The following PMS1 variants were observed in gnomAD, a reference collection of about 807,000 sequenced individuals.
PMS1 encodes the protein PMS1 protein homolog 1.
A neutral mutation model predicts 93.1 loss-of-function variants in PMS1; 79 were observed. That is an observed-to-expected ratio of 0.85 (90% CI 0.71 to 1.02). PMS1 has a LOEUF of 1.02. Ranked by LOEUF, PMS1 falls within the 50% of genes least tolerant of loss-of-function variation. The probability of loss-of-function intolerance (pLI) is 0.00; values close to 1 mark genes in which losing one functional copy is unlikely to be tolerated. For synonymous variants in PMS1, 335 were observed against 363.4 expected (o/e 0.92, Z 0.89); for missense variants, 1,064 against 1,085.3 (o/e 0.98, Z 0.28).
chr2:189,840,397 G>C (rs909633867), intron 5 of PMS1, among the ~76,000 whole-genome samples: 1 of 152,212 alleles, frequency 6.6e-6, no homozygotes, highest in Non-Finnish European at 1.5e-5. Context: ...ATTGGTACAA[G>C]AGTAGGTTAC....
At chr2:189,799,317 T>C (rs1038650914) in intron 3 of PMS1, among the ~76,000 whole-genome samples, 4 of 152,138 alleles carry the variant, frequency 2.6e-5, no homozygotes, top group African/African-American at 9.7e-5. Flanking sequence ...AAACCACATA[T>C]AGATGTGTGT....
intron 5 of PMS1, among the ~76,000 whole-genome samples, chr2:189,828,741 T>C (rs935025498): frequency 1.3e-5 from 2 of 152,190 alleles, no homozygotes; most frequent in African/African-American, 2.4e-5. Flanking sequence ...CAAACTTAGC[T>C]TTTCAACCTT....
At chr2:189,876,823 G>A (rs2057614181) in intron 12 of PMS1, among the ~76,000 whole-genome samples, 1 of 147,550 alleles carries the variant, frequency 6.8e-6, no homozygotes, top group Non-Finnish European at 1.5e-5. Flanking sequence ...TGTTGCCCAG[G>A]CTGGTCTCGA....
intron 11 of PMS1, among the ~76,000 whole-genome samples, chr2:189,869,357 T>C (rs1301578114): frequency 2.0e-5 from 3 of 152,252 alleles, no homozygotes; most frequent in Non-Finnish European, 1.5e-5. Context: ...TCTGTTTTAG[T>C]CTTCCTAGAA....
intron 4 of PMS1, among the ~76,000 whole-genome samples, chr2:189,816,973 T>A (rs955139499): frequency 4.0e-4 from 60 of 151,684 alleles, no homozygotes; most frequent in Non-Finnish European, 6.3e-4. Context: ...ATTTTATTTT[T>A]AAAAAAAAAG....
chr2:189,846,383 G>C (rs1187818181), intron 6 of PMS1, among the ~76,000 whole-genome samples: 1 of 152,070 alleles, frequency 6.6e-6, no homozygotes, highest in East Asian at 1.9e-4. Context: ...ATGGTGGCAG[G>C]TGCCTGTAAT....
intron 1 of PMS1, among the ~76,000 whole-genome samples, chr2:189,785,780 G>A (rs1199191729): frequency 6.6e-6 from 1 of 152,198 alleles, no homozygotes; most frequent in Non-Finnish European, 1.5e-5. Context: ...TTAGAAGTCA[G>A]CTGAGAGAGA....
chr2:189,873,470 A>G (rs775242203), intron 11 of PMS1, 26 bp from the exon 12 acceptor site: 26 of 1,486,936 alleles, frequency 1.7e-5, no homozygotes, highest in East Asian at 2.3e-5. Context: ...GAACTTAACT[A>G]TGTGTTTTTA....
At chr2:189,794,183 G>A (rs767566210) in intron 2 of PMS1, among the ~76,000 whole-genome samples, 6 of 152,170 alleles carry the variant, frequency 3.9e-5, no homozygotes, top group Non-Finnish European at 8.8e-5. Context: ...TGCGATCTCA[G>A]CTCACTGTAA....
In PMS1 at chr2:189,795,908, G is replaced by A. The variant is rs2049314713; in HGVS notation, c.272G>A (p.Gly91Asp). ...HEDLENLTTYGFRGEALGSIC... is the reference protein window; with the variant it reads ...HEDLENLTTYDFRGEALGSIC... ...GATCTTGAAAATTTGACAACTTACG[G>A]TTTTCGTGGAGAAGCCTTGGGGTCA... Residue 91 changes from glycine to aspartate, a missense_variant, in exon 3 of 13, where the codon GGT (glycine) becomes GAT (aspartate). By Grantham distance (94) the Gly-to-Asp change is moderately conservative. Coordinates refer to ENST00000441310, the MANE Select transcript of PMS1 (RefSeq NM_000534.5). The A allele has an allele frequency of 6.2e-7, 1 of 1,613,634 alleles. No homozygotes were observed. The highest frequency in any genetic ancestry group is 8.5e-7 in the Non-Finnish European group (1 of 1,179,590).
chr2:189,867,749 C>G (rs1423787292), intron 10 of PMS1, 50 bp from the exon 11 acceptor site: 8 of 1,376,122 alleles, frequency 5.8e-6, no homozygotes, highest in African/African-American at 1.4e-5. Context: ...CCCGTAAACC[C>G]CCTTATTTTG....
rs945543973 is a variant in PMS1, at chr2:189,817,908, G to T, written c.419-109G>T. 13 of 810,448 alleles carry T rather than the reference G, an allele frequency of 1.6e-5. No individual in the cohort carries two copies. In the African/African-American group the frequency reaches 2.0e-4, roughly 13 times the overall value. The allele number at this position is 810,448 out of a possible 1,614,324, so 50.2% of individuals were successfully genotyped here. A position where few individuals can be genotyped will look rare whatever the true frequency, so the allele number is the denominator to read the frequency against. Reference sequence around the variant, plus strand: ...GAGCCTTTGGGTTTCTAGAATTGGAGGAGGAGACCTTCAGTTATAGAAGGG... The same window carrying T: ...GAGCCTTTGGGTTTCTAGAATTGGATGAGGAGACCTTCAGTTATAGAAGGG... On this transcript the variant is annotated intron_variant, in intron 4 of 12. Coordinates refer to ENST00000441310, the MANE Select transcript of PMS1 (RefSeq NM_000534.5).
At chr2:189,830,097 A>AAATAT (rs2052789447) in intron 5 of PMS1, among the ~76,000 whole-genome samples, 1 of 152,144 alleles carries the variant, frequency 6.6e-6, no homozygotes, top group Non-Finnish European at 1.5e-5. Flanking sequence ...TTCTGTATAG[A>AAATAT]GTCAGATGGT....
intron 5 of PMS1, among the ~76,000 whole-genome samples, chr2:189,835,904 C>G (rs1232107983): frequency 1.1e-5 from 1 of 91,498 alleles, no homozygotes; most frequent in African/African-American, 6.4e-5. Flanking sequence ...TCTAGCCTGT[C>G]TCAAAAAAAA....
rs1342719424 is a variant in PMS1, at chr2:189,852,636, T to C, written c.700-19T>C. 3 of 1,600,562 alleles carry C rather than the reference T, an allele frequency of 1.9e-6. No homozygotes were observed. Among genetic ancestry groups the C allele is most frequent in the Non-Finnish European group, 2.6e-6 (3 of 1,168,018 alleles). ...GGAACTACATTGTTGACATTGCATA[T>C]TCTGTAATTATTATATAGATTTATC... On this transcript the variant is annotated intron_variant, in intron 6 of 12. Transcript: ENST00000441310.
chr2:189,805,337 GT>G (rs1433194576), intron 3 of PMS1, among the ~76,000 whole-genome samples: 1 of 152,122 alleles, frequency 6.6e-6, no homozygotes, highest in Non-Finnish European at 1.5e-5. Flanking sequence ...TACAGTTGAA[GT>G]ACTTGCTTTT....
chr2:189,845,160 A>G (rs1257060101), intron 6 of PMS1, among the ~76,000 whole-genome samples: 1 of 152,158 alleles, frequency 6.6e-6, no homozygotes, highest in East Asian at 1.9e-4. Flanking sequence ...GCCCAGCCTC[A>G]TAATTTCTTA....
At chr2:189,789,139 T>C (rs1329192772) in intron 1 of PMS1, among the ~76,000 whole-genome samples, 1 of 152,206 alleles carries the variant, frequency 6.6e-6, no homozygotes, top group Non-Finnish European at 1.5e-5. Context: ...GTAGTTAGTA[T>C]TTAAAAAGAA....
At chr2:189,831,923 G>T (rs2052976046) in intron 5 of PMS1, among the ~76,000 whole-genome samples, 1 of 151,978 alleles carries the variant, frequency 6.6e-6, no homozygotes, top group Non-Finnish European at 1.5e-5. Context: ...TAGAGATGGG[G>T]TTTCACCATG....
Sources: allele counts gnomAD v4.1 joint callset (sites outside exome capture counted in the v4.1 genomes callset), GRCh38; gene constraint gnomAD v4.1.1; transcripts MANE v1.5; gene names NCBI Gene and HGNC (gene_info 2026-07-23, HGNC 2026-07-21).